The following MIPEP variants were observed in gnomAD, a reference collection of about 807,000 sequenced individuals.
MIPEP encodes mitochondrial intermediate peptidase.
MIPEP carries 79 observed loss-of-function variants against 90.3 expected under a neutral mutation model. The ratio of observed to expected loss-of-function variants is 0.87; its 90% CI spans 0.73 to 1.05. The LOEUF (loss-of-function observed/expected upper bound fraction) is 1.05, where lower values mean the gene tolerates loss of function less well. Among genes scored for constraint, MIPEP ranks in the 50% least tolerant of loss-of-function variants. MIPEP has a pLI of 0.00. For missense variants in MIPEP, 940 were observed against 905.6 expected, an observed-to-expected ratio of 1.04 and a Z score of -0.49; for synonymous variants, 334 against 315.8, an observed-to-expected ratio of 1.06 and a Z score of -0.61.
chr13:23,883,423 C>A (rs958825814), intron 2 of MIPEP, among the ~76,000 whole-genome samples: 1 of 152,036 alleles, frequency 6.6e-6, no homozygotes, highest in African/African-American at 2.4e-5. Flanking sequence ...CCAAGTCACC[C>A]CTCAGTATCA....
chr13:23,828,533 A>C (rs9510880), intron 14 of MIPEP, among the ~76,000 whole-genome samples: 23,208 of 152,242 alleles, frequency 0.15, 1,904 homozygotes, highest in South Asian at 0.23. Flanking sequence ...TTTAAACACC[A>C]GTAACAAACA....
At position 23,836,266 on chromosome 13, in the gene MIPEP, A is replaced by G; in HGVS notation, c.1627T>C (p.Phe543Leu). ...FANDYRVVNQFARHYQTGQPL... is the reference protein window; with the variant it reads ...FANDYRVVNQLARHYQTGQPL... ...TGTCCAGTCTGATAATGTCTGGCAA[A>G]TTGGTTAACTACTCGATAATCATTT... The change falls in exon 14 of 19, where the codon TTT becomes CTT. Residue 543 changes from phenylalanine (F) to leucine (L), a missense_variant. Transcript: ENST00000382172. 6.2e-7 allele frequency: 1 copy of G among 1,605,118 alleles called. No homozygotes were observed. The highest frequency in any genetic ancestry group is 8.5e-7 in the Non-Finnish European group (1 of 1,176,506).
chr13:23,865,577 T>A (rs1219616421), intron 7 of MIPEP, among the ~76,000 whole-genome samples: 1 of 152,224 alleles, frequency 6.6e-6, no homozygotes, highest in Non-Finnish European at 1.5e-5. Context: ...TCCCTATGTA[T>A]GCTTGTATAC....
rs538389927 is a variant in MIPEP, at chr13:23,760,098, G to A, written c.1968C>T (p.Asn656=). Residue 656 remains asparagine, a splice_region_variant and synonymous_variant, in exon 17 of 19, where the codon AAC becomes AAT. Transcript: ENST00000382172. ...CATTTTAGAACTTACCCCCTTACCT[G>A]TTGAAAGGATCCTGTAGAAAACACT... is the stretch of plus-strand genomic sequence containing the variant. ...WKECFLQDPF[N]RAAGERYRRE... 1 of 1,614,092 alleles carries A rather than the reference G, an allele frequency of 6.2e-7. No homozygotes were observed. Among genetic ancestry groups the A allele is most frequent in the African/African-American group, 1.3e-5 (1 of 75,038 alleles).
chr13:23,738,047 A>T (rs1424170619), intron 18 of MIPEP, among the ~76,000 whole-genome samples: 1 of 152,226 alleles, frequency 6.6e-6, no homozygotes, highest in Non-Finnish European at 1.5e-5. Context: ...AGAATGAATG[A>T]ATGAAGAAAC....
chr13:23,832,541 T>G (rs1287557257), intron 14 of MIPEP, among the ~76,000 whole-genome samples: 1 of 152,114 alleles, frequency 6.6e-6, no homozygotes, highest in Non-Finnish European at 1.5e-5. Context: ...ACAAGAATCA[T>G]GCTTCCAGGA....
chr13:23,879,253 G>T lies in MIPEP; in HGVS notation c.539+15C>A, dbSNP rs772788829. The T allele has an allele frequency of 2.0e-6, 3 of 1,536,254 alleles. No individual in the cohort carries two copies. The highest frequency in any genetic ancestry group is 4.5e-5 in the East Asian group (2 of 44,478). On this transcript the variant is annotated intron_variant, in intron 4 of 18. Coordinates refer to ENST00000382172, the MANE Select transcript of MIPEP (RefSeq NM_005932.4). ...GAGTCACAGTCACAATCAAGGCAAAGAAATGAGTGAGTACCTTGTTTCTGG... is the reference window on the plus strand; with the variant it reads ...GAGTCACAGTCACAATCAAGGCAAATAAATGAGTGAGTACCTTGTTTCTGG...
intron 14 of MIPEP, among the ~76,000 whole-genome samples, chr13:23,814,731 C>T (rs995729817): frequency 1.3e-5 from 2 of 152,164 alleles, no homozygotes; most frequent in African/African-American, 4.8e-5. Flanking sequence ...TCCTGACCAT[C>T]GAAATGGCTG....
In MIPEP at chr13:23,784,497, T is replaced by C. The variant is rs556904938; in HGVS notation, c.1848+21453A>G. Among the ~76,000 whole-genome samples the C allele has an allele frequency of 6.6e-3, 1,010 of 152,290 alleles. 15 individuals are homozygous for C. Among genetic ancestry groups the C allele is most frequent in the African/African-American group, 0.023 (948 of 41,546 alleles). ...TATACAAAAATTAATTCAAGGTGGATTAAAGACTTACATGTTAGACCTAAA... is the reference window on the plus strand; with the variant it reads ...TATACAAAAATTAATTCAAGGTGGACTAAAGACTTACATGTTAGACCTAAA... On this transcript the variant is annotated intron_variant, in intron 16 of 18. Transcript: ENST00000382172.
At chr13:23,849,110 T>G (rs1458676876) in intron 10 of MIPEP, among the ~76,000 whole-genome samples, 1 of 152,220 alleles carries the variant, frequency 6.6e-6, no homozygotes, top group East Asian at 1.9e-4. Flanking sequence ...GCTCATCATG[T>G]GGCTCCGCCT....
At chr13:23,845,582 T>A (rs1222171207) in intron 10 of MIPEP, among the ~76,000 whole-genome samples, 1 of 152,226 alleles carries the variant, frequency 6.6e-6, no homozygotes, top group African/African-American at 2.4e-5. Flanking sequence ...GATGCCATAG[T>A]GAAATGTCCT....
At chr13:23,857,594 T>C (rs1870102144) in intron 10 of MIPEP, among the ~76,000 whole-genome samples, 1 of 151,964 alleles carries the variant, frequency 6.6e-6, no homozygotes, top group East Asian at 1.9e-4. Context: ...TAATGAAAAA[T>C]AAAAATAAAA....
intron 16 of MIPEP, among the ~76,000 whole-genome samples, chr13:23,797,919 T>A (rs574817363): frequency 1.8e-4 from 28 of 152,344 alleles, no homozygotes; most frequent in Non-Finnish European, 2.2e-4. Flanking sequence ...AATAACGAGA[T>A]GTCTGACAGG....
intron 18 of MIPEP, among the ~76,000 whole-genome samples, chr13:23,735,506 G>A (rs1331127897): frequency 6.6e-6 from 1 of 152,110 alleles, no homozygotes; most frequent in Non-Finnish European, 1.5e-5. Context: ...CTTTGAAGTG[G>A]TTCACTTCAA....
At chr13:23,877,239 G>C (rs988042373) in intron 4 of MIPEP, among the ~76,000 whole-genome samples, 6 of 152,068 alleles carry the variant, frequency 3.9e-5, no homozygotes, top group Admixed American at 3.3e-4. Context: ...TAAACTTATA[G>C]TAATAAACAT....
At chr13:23,878,914 T>A (rs1871173389) in intron 4 of MIPEP, among the ~76,000 whole-genome samples, 3 of 152,178 alleles carry the variant, frequency 2.0e-5, no homozygotes, top group Non-Finnish European at 4.4e-5. Flanking sequence ...ATGCCATGAA[T>A]GTGTAGGTAC....
At position 23,737,375 on chromosome 13, in the gene MIPEP, C is replaced by T. The variant is rs542405097; in HGVS notation, c.2045-6930G>A. Among the ~76,000 whole-genome samples the T allele has an allele frequency of 9.9e-5, 15 of 152,110 alleles. No individual in the cohort carries two copies. The South Asian group carries it at 1.7e-3, about 17-fold the overall frequency. On this transcript the variant is annotated intron_variant, in intron 18 of 18. Transcript: ENST00000382172. ...GTTGCTGCTGGAGTTCCTGTCTTGG[C>T]GTGATACTGGGAGGAAAAAGTGCCC...
chr13:23,742,780 A>C (rs921326281), intron 18 of MIPEP, among the ~76,000 whole-genome samples: 1 of 152,220 alleles, frequency 6.6e-6, no homozygotes, highest in African/African-American at 2.4e-5. Flanking sequence ...GAAATAAAAG[A>C]TGGAATTAAA....
intron 16 of MIPEP, among the ~76,000 whole-genome samples, chr13:23,790,129 G>C (rs1240706739): frequency 6.6e-6 from 1 of 152,176 alleles, no homozygotes; most frequent in African/African-American, 2.4e-5. Context: ...GGGTCTGAAG[G>C]CAAGTAGGTG....
Sources: allele counts gnomAD v4.1 joint callset (sites outside exome capture counted in the v4.1 genomes callset), GRCh38; gene constraint gnomAD v4.1.1; transcripts MANE v1.5; gene names NCBI Gene and HGNC (gene_info 2026-07-23, HGNC 2026-07-21).